The following PCNX2 variants were observed in gnomAD, a reference collection of about 807,000 sequenced individuals.
PCNX2 encodes pecanex-like protein 2.
Under a neutral mutation model 223.8 loss-of-function variants are expected in PCNX2, and 168 were observed. The ratio of observed to expected loss-of-function variants is 0.75; its 90% CI spans 0.66 to 0.85. The LOEUF (loss-of-function observed/expected upper bound fraction) is 0.85. Among genes scored for constraint, PCNX2 ranks in the 40% least tolerant of loss-of-function variants. The pLI is 0.00. For synonymous variants in PCNX2, 1,006 were observed against 1,052.6 expected, an observed-to-expected ratio of 0.96 and a Z score of 0.86; for missense variants, 2,507 against 2,675.5, an observed-to-expected ratio of 0.94 and a Z score of 1.39.
At chr1:233,196,179 C>T (rs1680716552) in intron 15 of PCNX2, among the ~76,000 whole-genome samples, 1 of 152,040 alleles carries the variant, frequency 6.6e-6, no homozygotes, top group Non-Finnish European at 1.5e-5. Context: ...TCTCAACCTT[C>T]ACCTCATGTC....
chr1:233,146,032 A>C (rs1361814249), intron 19 of PCNX2, among the ~76,000 whole-genome samples: 1 of 152,192 alleles, frequency 6.6e-6, no homozygotes, highest in East Asian at 1.9e-4. Flanking sequence ...CATACGCCAC[A>C]ATCCAAAAGA....
chr1:233,031,914 T>C, intron 25 of PCNX2: 1 of 984,288 alleles, frequency 1.0e-6, no homozygotes. Context: ...ATCCAGAGAG[T>C]AATGACCACC....
intron 5 of PCNX2, among the ~76,000 whole-genome samples, chr1:233,254,346 C>T (rs999398650): frequency 6.6e-6 from 1 of 152,128 alleles, no homozygotes; most frequent in African/African-American, 2.4e-5. Flanking sequence ...ATAGCTTTAG[C>T]CAGTAATCAT....
chr1:233,252,506 A>G lies in PCNX2; in HGVS notation c.1983-7T>C. 1 of 1,596,730 alleles carries G rather than the reference A, an allele frequency of 6.3e-7. No individual in the cohort carries two copies. The highest frequency in any genetic ancestry group is 8.6e-7 in the Non-Finnish European group (1 of 1,169,462). ...TTGTCTATTGCCCTGAAAACTTAAC[A>G]CATATAAAAGTTTCAAAAAAAATGA... On this transcript the variant is annotated splice_region_variant and splice_polypyrimidine_tract_variant and intron_variant, in intron 6 of 33. Transcript: ENST00000258229.
chr1:233,295,741 C>G (rs1662056711), upstream of PCNX2: 8 of 355,646 alleles, frequency 2.2e-5, no homozygotes, highest in East Asian at 3.3e-4. The surrounding 1 kb of genome is among the most constrained non-coding windows in gnomAD (Gnocchi z 4.1). Context: ...ATTTTCCCAT[C>G]GTGCTCAGAG....
At chr1:233,045,915 T>G (rs1212495335) in intron 25 of PCNX2, among the ~76,000 whole-genome samples, 1 of 152,268 alleles carries the variant, frequency 6.6e-6, no homozygotes, top group East Asian at 1.9e-4. Flanking sequence ...GTCCAATAGC[T>G]GCAAAGCCTG....
chr1:233,121,296 C>T (rs1675777164), intron 21 of PCNX2, among the ~76,000 whole-genome samples: 1 of 152,030 alleles, frequency 6.6e-6, no homozygotes, highest in Non-Finnish European at 1.5e-5. Flanking sequence ...ATTCAAAATC[C>T]TAACAAGATA....
chr1:232,986,111 G>A lies in PCNX2; in HGVS notation c.6221C>T (p.Ala2074Val), dbSNP rs749887595. The A allele has an allele frequency of 1.3e-6, 2 of 1,565,562 alleles. No homozygotes were observed. Among genetic ancestry groups the A allele is most frequent in the South Asian group, 2.4e-5 (2 of 85,032 alleles). Residue 2074 changes from alanine to valine, a missense_variant, in exon 33 of 34, where the codon GCT (alanine) becomes GTT (valine). Physicochemically the swap from Ala to Val is moderately conservative, Grantham distance 64 (BLOSUM62 0). Around this residue, in one of 3 missense-constraint regions of PCNX2, gnomAD observed 1,372 missense variants for 1,509.4 expected, o/e 0.91. Coordinates refer to ENST00000258229, the MANE Select transcript of PCNX2 (RefSeq NM_014801.4). ...VNIVMGPSAR[A>V]ASQATRHLSE... is the part of the protein sequence containing the mutation. ...CCTTACCCGAGTGGCCTGGCTGGCA[G>A]CCCTGGCTGAGGGGCCCATCACGAT...
At chr1:233,168,875 T>A (rs1678962542) in intron 17 of PCNX2, among the ~76,000 whole-genome samples, 1 of 152,138 alleles carries the variant, frequency 6.6e-6, no homozygotes, top group Non-Finnish European at 1.5e-5. Context: ...ATTTTTCCAG[T>A]GCTAATGATG....
At chr1:233,164,446 C>T (rs939642320) in intron 17 of PCNX2, among the ~76,000 whole-genome samples, 19 of 152,082 alleles carry the variant, frequency 1.2e-4, no homozygotes, top group South Asian at 2.1e-4. Context: ...GTGTGTTTTT[C>T]GAAGTAAATA....
chr1:233,004,955 C>T (rs113948767), intron 28 of PCNX2, among the ~76,000 whole-genome samples: 10 of 152,202 alleles, frequency 6.6e-5, no homozygotes, highest in African/African-American at 2.2e-4. Context: ...TTTCTGGGGC[C>T]GTGAGCTTTA....
rs114985585 is a variant in PCNX2 at position 233,180,045 on chromosome 1, G to A, written c.3067-870C>T. On this transcript the variant is annotated intron_variant, in intron 15 of 33. Transcript: ENST00000258229. ...ATGTCTGCTTTTCCTTTGTTCAAGCGTGCTCTCGCCATTGTTCCATCTGCA... is the reference window on the plus strand; with the variant it reads ...ATGTCTGCTTTTCCTTTGTTCAAGCATGCTCTCGCCATTGTTCCATCTGCA... Among the ~76,000 whole-genome samples, 395 of 152,286 alleles carry A rather than the reference G, an allele frequency of 2.6e-3. 1 individual carries two copies. The highest frequency in any genetic ancestry group is 9.0e-3 in the African/African-American group (372 of 41,556).
chr1:233,026,558 G>C (rs1443268443), intron 25 of PCNX2, among the ~76,000 whole-genome samples: 1 of 152,210 alleles, frequency 6.6e-6, no homozygotes, highest in Admixed American at 6.5e-5. Context: ...AGTGAACCCA[G>C]ATGCAAGAGA....
At chr1:233,288,886 C>G in intron 1 of PCNX2, 2 of 1,289,746 alleles carry the variant, frequency 1.6e-6, no homozygotes, top group Non-Finnish European at 2.2e-6. Flanking sequence ...TCTGGGAATT[C>G]AAAATTAACA....
At chr1:233,009,188 T>C (rs1005443958) in intron 28 of PCNX2, among the ~76,000 whole-genome samples, 4 of 152,154 alleles carry the variant, frequency 2.6e-5, no homozygotes, top group South Asian at 2.1e-4. Context: ...GAAGACGAAA[T>C]GCATTAACTC....
At chr1:233,272,096 C>T (rs1346076376) in intron 1 of PCNX2, among the ~76,000 whole-genome samples, 1 of 152,022 alleles carries the variant, frequency 6.6e-6, no homozygotes, top group Non-Finnish European at 1.5e-5. Flanking sequence ...GACTTCATGA[C>T]CAAGAACCCA....
At chr1:233,241,229 G>C in intron 8 of PCNX2, 1 of 985,416 alleles carries the variant, frequency 1.0e-6, no homozygotes. Context: ...GCAACACCGT[G>C]GAAGTGAGGC....
intron 1 of PCNX2, among the ~76,000 whole-genome samples, chr1:233,267,357 G>A (rs1201106407): frequency 3.3e-5 from 5 of 152,102 alleles, no homozygotes; most frequent in African/African-American, 1.2e-4. Context: ...TTGTTTTACT[G>A]TGGTAAAATA....
intron 9 of PCNX2, among the ~76,000 whole-genome samples, chr1:233,235,239 G>A (rs1658314958): frequency 6.6e-6 from 1 of 152,104 alleles, no homozygotes; most frequent in Non-Finnish European, 1.5e-5. Context: ...TTAAACACTT[G>A]TTCACACACA....
Sources: allele counts gnomAD v4.1 joint callset (sites outside exome capture counted in the v4.1 genomes callset), GRCh38; gene constraint gnomAD v4.1.1; regional missense constraint gnomAD v4.1.1; non-coding constraint Gnocchi (gnomAD v3.1); transcripts MANE v1.5; gene names NCBI Gene and HGNC (gene_info 2026-07-23, HGNC 2026-07-21).